Variants in SMCHD1 observed in about 807,000 individuals in gnomAD.
SMCHD1 encodes the protein structural maintenance of chromosomes flexible hinge domain-containing protein 1.
In SMCHD1, 78 loss-of-function variants were observed where a neutral mutation model predicts 254.7. The observed-to-expected ratio is 0.31, with a 90% CI of 0.26 to 0.37. SMCHD1 has a LOEUF of 0.37. Ranked by LOEUF, SMCHD1 falls within the 10% of genes least tolerant of loss-of-function variation. The probability of loss-of-function intolerance (pLI) is 1.00; values close to 1 mark genes in which losing one functional copy is unlikely to be tolerated. For missense variants in SMCHD1, 1,840 were observed against 2,408.1 expected, an observed-to-expected ratio of 0.76 and a Z score of 4.94; for synonymous variants, 766 against 794.9, an observed-to-expected ratio of 0.96 and a Z score of 0.61.
At chr18:2,712,821 C>G (rs997370716) in intron 17 of SMCHD1, among the ~76,000 whole-genome samples, 4 of 152,176 alleles carry the variant, frequency 2.6e-5, no homozygotes, top group Non-Finnish European at 5.9e-5. Context: ...TATCACTCAC[C>G]TGTTTTATAT....
intron 7 of SMCHD1, among the ~76,000 whole-genome samples, chr18:2,690,430 T>C (rs2074149379): frequency 6.6e-6 from 1 of 152,200 alleles, no homozygotes. Flanking sequence ...ACAGATTTTT[T>C]TCTTAGGTTA....
intron 25 of SMCHD1, 103 bp downstream of exon 25, chr18:2,732,595 G>A (rs2075164225): frequency 1.4e-6 from 1 of 702,354 alleles, no homozygotes; most frequent in Non-Finnish European, 2.3e-6. Flanking sequence ...AAAGAAGCTT[G>A]TCACAGAAAA....
chr18:2,668,747 A>C (rs1292896112), intron 3 of SMCHD1, among the ~76,000 whole-genome samples: 1 of 152,138 alleles, frequency 6.6e-6, no homozygotes, highest in Admixed American at 6.6e-5. Flanking sequence ...GTTTTCGCCT[A>C]CCACTCTACT....
chr18:2,686,971 A>T (rs2074065781), intron 5 of SMCHD1, among the ~76,000 whole-genome samples: 1 of 151,694 alleles, frequency 6.6e-6, no homozygotes, highest in South Asian at 2.1e-4. Context: ...TTCTTGCTCC[A>T]TCTTTTTCTT....
At position 2,682,569 on chromosome 18, in the gene SMCHD1, A is replaced by G. The variant is rs577495555; in HGVS notation, c.639-5825A>G. Reference sequence around the variant, plus strand: ...ACTCCTGACCTCAGGTGATACACCCACCTCAGCCTCCCAAAGTGCTGGGAT... The same window carrying G: ...ACTCCTGACCTCAGGTGATACACCCGCCTCAGCCTCCCAAAGTGCTGGGAT... On this transcript the variant is annotated intron_variant, in intron 5 of 47. Coordinates refer to ENST00000320876, the MANE Select transcript of SMCHD1 (RefSeq NM_015295.3). Among the ~76,000 whole-genome samples, 18 of 152,148 alleles carry G rather than the reference A, an allele frequency of 1.2e-4. No individual in the cohort carries two copies. The South Asian group carries it at 3.7e-3, about 32-fold the overall frequency.
intron 22 of SMCHD1, among the ~76,000 whole-genome samples, chr18:2,728,206 G>C (rs2075062807): frequency 6.6e-6 from 1 of 152,000 alleles, no homozygotes; most frequent in South Asian, 2.1e-4. Context: ...AATTATCACT[G>C]TGTTGTACCT....
At chr18:2,790,151 C>G (rs186665100) in intron 45 of SMCHD1, among the ~76,000 whole-genome samples, 53 of 152,320 alleles carry the variant, frequency 3.5e-4, no homozygotes, top group African/African-American at 1.1e-3. Context: ...CACTGCACTC[C>G]AGCCTGGGCA....
chr18:2,759,571 C>CTTTT (rs61159403), intron 34 of SMCHD1, among the ~76,000 whole-genome samples: 4 of 69,520 alleles, frequency 5.8e-5, no homozygotes, highest in African/African-American at 1.1e-4. Flanking sequence ...TTAATTCTCT[C>CTTTT]TTTTTTTTTT....
At chr18:2,694,287 A>G (rs565067784) in intron 7 of SMCHD1, among the ~76,000 whole-genome samples, 2 of 152,338 alleles carry the variant, frequency 1.3e-5, no homozygotes, top group Admixed American at 6.5e-5. Context: ...TCGGTTTAGC[A>G]TTATAAGATA....
At chr18:2,705,870 A>T in intron 14 of SMCHD1, 63 bp downstream of exon 14, 1 of 1,020,038 alleles carries the variant, frequency 9.8e-7, no homozygotes, top group Non-Finnish European at 1.5e-6. Flanking sequence ...ATAATTGTTA[A>T]GATACAGTAT....
intron 5 of SMCHD1, among the ~76,000 whole-genome samples, chr18:2,683,996 A>G (rs2073985472): frequency 6.6e-6 from 1 of 152,126 alleles, no homozygotes; most frequent in African/African-American, 2.4e-5. Context: ...GCGTCTTTGT[A>G]TTATTACATT....
intron 16 of SMCHD1, 48 bp from the exon 17 acceptor site, chr18:2,707,759 A>G (rs567576191): frequency 2.0e-6 from 3 of 1,534,524 alleles, no homozygotes; most frequent in African/African-American, 1.4e-5. Context: ...TGGCAGATTC[A>G]GCAAATTTTT....
Position 2,738,444 on chromosome 18 carries a change from G to C in SMCHD1, c.3324G>C (p.Leu1108=), listed in dbSNP as rs766546123. ...EINKEHLLQG[L]LPDVQVPTSV... is the part of the protein sequence containing the mutation. ...ACAAAGAACACTTGCTACAGGGTCT[G>C]CTTCCTGATGTGCAAGTACCAACAT... The change falls in exon 26 of 48, where the codon CTG becomes CTC. Residue 1108 remains leucine (L), a synonymous_variant. Transcript: ENST00000320876. The C allele has an allele frequency of 1.9e-6, 3 of 1,610,998 alleles. No homozygotes were observed. The highest frequency in any genetic ancestry group is 1.1e-5 in the South Asian group (1 of 90,658).
At chr18:2,687,432 T>C (rs2074077516) in intron 5 of SMCHD1, among the ~76,000 whole-genome samples, 1 of 152,212 alleles carries the variant, frequency 6.6e-6, no homozygotes, top group African/African-American at 2.4e-5. Flanking sequence ...CTCTCTGTCT[T>C]TTACTGTTGC....
At chr18:2,662,761 A>T (rs778793777) in intron 1 of SMCHD1, among the ~76,000 whole-genome samples, 1 of 151,928 alleles carries the variant, frequency 6.6e-6, no homozygotes, top group Non-Finnish European at 1.5e-5. Context: ...TATGAAACCT[A>T]ATAAAAATCT....
intron 17 of SMCHD1, among the ~76,000 whole-genome samples, chr18:2,711,264 C>CTT (rs148895802): frequency 0.058 from 8,339 of 144,400 alleles, 344 homozygotes; most frequent in African/African-American, 0.11. Flanking sequence ...CCATGGCTCC[C>CTT]TTTTTTTTTT....
intron 7 of SMCHD1, 57 bp from the exon 8 acceptor site, chr18:2,694,470 T>C: frequency 7.5e-7 from 1 of 1,331,760 alleles, no homozygotes; most frequent in Non-Finnish European, 1.0e-6. Context: ...GCAATAGCTA[T>C]TTGTATAATT....
In SMCHD1 at chr18:2,769,489, C is replaced by T. The variant is rs300292; in HGVS notation, c.4720-205C>T. Among the ~76,000 whole-genome samples, 492 of 152,166 alleles carry T rather than the reference C, an allele frequency of 3.2e-3. 1 individual carries two copies. The highest frequency in any genetic ancestry group is 5.0e-3 in the Non-Finnish European group (339 of 67,974). On this transcript the variant is annotated intron_variant, in intron 37 of 47. Transcript: ENST00000320876. Reference sequence around the variant, plus strand: ...TTGATACGATCATTTGGCTTTCAAACCAATACCAGAAGGTAAAAAGTTGTA... The same window carrying T: ...TTGATACGATCATTTGGCTTTCAAATCAATACCAGAAGGTAAAAAGTTGTA...
intron 5 of SMCHD1, among the ~76,000 whole-genome samples, chr18:2,681,362 G>A (rs949690194): frequency 2.0e-5 from 3 of 146,842 alleles, no homozygotes; most frequent in Non-Finnish European, 3.0e-5. Flanking sequence ...GCAATGAGCC[G>A]AGATTGCGCC....
Sources: allele counts gnomAD v4.1 joint callset (sites outside exome capture counted in the v4.1 genomes callset), GRCh38; gene constraint gnomAD v4.1.1; transcripts MANE v1.5; gene names NCBI Gene and HGNC (gene_info 2026-07-23, HGNC 2026-07-21).